Variants in POLR2F observed in about 807,000 individuals in gnomAD.
POLR2F encodes the protein RNA polymerase II, I and III subunit F.
A neutral mutation model predicts 22.7 loss-of-function variants in POLR2F; 12 were observed. The observed-to-expected ratio is 0.53, with a 90% CI of 0.34 to 0.86. The LOEUF (loss-of-function observed/expected upper bound fraction) is 0.86. Ranked by LOEUF, POLR2F falls within the 40% of genes least tolerant of loss-of-function variation. POLR2F has a pLI of 0.02. For synonymous variants in POLR2F, 57 were observed against 66.0 expected (o/e 0.86, Z 0.66); for missense variants, 126 against 171.5 (o/e 0.73, Z 1.48).
rs920799657 is a variant in POLR2F, at chr22:37,968,878, C to T, written c.*1163C>T. ...GATCTGCATTGGTGGGAGGGGTGTC[C>T]GCTGCCCTGGAGAAGGGTTAATTCA... On this transcript the variant is annotated 3_prime_UTR_variant, in exon 5 of 5. Coordinates refer to ENST00000442738, the MANE Select transcript of POLR2F (RefSeq NM_021974.5). The T allele has an allele frequency of 1.1e-4, 111 of 985,358 alleles. No homozygotes were observed. Among genetic ancestry groups the T allele is most frequent in the Middle Eastern group, 5.2e-4 (1 of 1,914 alleles). The allele number at this position is 985,358 out of a possible 1,614,324, so 61.0% of individuals were successfully genotyped here.
At chr22:37,963,651 A>G (rs375486487) in intron 3 of POLR2F, among the ~76,000 whole-genome samples, 13 of 152,338 alleles carry the variant, frequency 8.5e-5, no homozygotes, top group Admixed American at 2.6e-4. Context: ...AGAGCATTCT[A>G]TGGGGCACAC....
At chr22:37,979,055 G>C (rs951979217) in intron 4 of POLR2F, among the ~76,000 whole-genome samples, 1 of 151,814 alleles carries the variant, frequency 6.6e-6, no homozygotes, top group African/African-American at 2.4e-5. Flanking sequence ...GGGATTACAG[G>C]CATGAGCCAT....
At position 38,035,235 on chromosome 22, in the gene POLR2F, C is replaced by A. The variant is rs2085103862; in HGVS notation, c.453-5833C>A. Among the ~76,000 whole-genome samples, 3 of 152,204 alleles carry A rather than the reference C, an allele frequency of 2.0e-5. No homozygotes were observed. The South Asian group carries it at 6.2e-4, about 31-fold the overall frequency. ...GGTGGGTTATTCTGTAAATGGTGCA[C>A]ATCTGGAGCCCATTAACTGTTAACA... On this transcript the variant is annotated intron_variant, in intron 5 of 5. Transcript: ENST00000407936.
At chr22:37,983,822 T>TC, upstream of POLR2F, 1 of 1,381,740 alleles carries the variant, frequency 7.2e-7, no homozygotes, top group Non-Finnish European at 9.4e-7. The surrounding 1 kb of genome is among the most constrained non-coding windows in gnomAD (Gnocchi z 9.5). Flanking sequence ...CTCGGCCGCC[T>TC]CCCCCGGGCC....
intron 1 of POLR2F, among the ~76,000 whole-genome samples, chr22:38,011,303 C>CCATATT (rs2084869996): frequency 6.6e-6 from 1 of 151,806 alleles, no homozygotes. Flanking sequence ...CAAGGTTTTG[C>CCATATT]CATATTGCCC....
intron 4 of POLR2F, among the ~76,000 whole-genome samples, chr22:37,976,220 C>G (rs1932215242): frequency 6.6e-6 from 1 of 152,164 alleles, no homozygotes; most frequent in African/African-American, 2.4e-5. Flanking sequence ...AAGACTCCAT[C>G]TCAAACAAAA....
chr22:38,036,296 C>A (rs1331759306), intron 5 of POLR2F, among the ~76,000 whole-genome samples: 1 of 151,874 alleles, frequency 6.6e-6, no homozygotes, highest in Admixed American at 6.6e-5. Flanking sequence ...CTTTTCTAGG[C>A]CATTTGCTGA....
At chr22:37,963,330 C>A (rs948003350) in intron 3 of POLR2F, among the ~76,000 whole-genome samples, 2 of 152,126 alleles carry the variant, frequency 1.3e-5, no homozygotes, top group Admixed American at 6.6e-5. Context: ...GCTCTATCAC[C>A]CGGGCTGGAG....
intron 1 of POLR2F, among the ~76,000 whole-genome samples, chr22:38,004,495 T>C (rs2084803311): frequency 6.6e-6 from 1 of 152,200 alleles, no homozygotes; most frequent in Non-Finnish European, 1.5e-5. Context: ...ATCTACTCGC[T>C]GAGTTCTCAT....
intron 1 of POLR2F, among the ~76,000 whole-genome samples, chr22:38,022,268 C>T (rs1349215192): frequency 6.6e-6 from 1 of 151,676 alleles, no homozygotes; most frequent in African/African-American, 2.4e-5. Context: ...TTCTAAGAAT[C>T]TGGCTGGGCA....
chr22:37,955,286 C>G (rs1931337612), intron 1 of POLR2F, among the ~76,000 whole-genome samples: 1 of 149,726 alleles, frequency 6.7e-6, no homozygotes, highest in Non-Finnish European at 1.5e-5. Context: ...CACCTCTAAT[C>G]CCAGCACTTT....
downstream of POLR2F, chr22:37,971,010 TGGAG>T (rs766483875): frequency 6.3e-6 from 2 of 318,832 alleles, no homozygotes; most frequent in Non-Finnish European, 1.2e-5. Flanking sequence ...AGGTCCTAGA[TGGAG>T]GGATTTTGGC....
intron 3 of POLR2F, among the ~76,000 whole-genome samples, chr22:37,963,999 G>A (rs1304592012): frequency 2.0e-5 from 3 of 152,076 alleles, no homozygotes; most frequent in Non-Finnish European, 4.4e-5. Context: ...CTACTCGGGA[G>A]GCTGAGGCAA....
intron 4 of POLR2F, among the ~76,000 whole-genome samples, chr22:37,981,101 C>T (rs1482151771): frequency 6.6e-6 from 1 of 152,238 alleles, no homozygotes; most frequent in Non-Finnish European, 1.5e-5. Flanking sequence ...ACCTGGGCTC[C>T]AGTGTGTCTG....
chr22:37,976,355 C>G (rs1932220066), intron 4 of POLR2F, among the ~76,000 whole-genome samples: 1 of 152,238 alleles, frequency 6.6e-6, no homozygotes, highest in Non-Finnish European at 1.5e-5. Flanking sequence ...TCCACCATGC[C>G]TAGCTTTGTT....
At chr22:38,003,232 A>G (rs2084790520) in intron 1 of POLR2F, among the ~76,000 whole-genome samples, 1 of 151,580 alleles carries the variant, frequency 6.6e-6, no homozygotes, top group Admixed American at 6.6e-5. Flanking sequence ...AAGGACAGTC[A>G]GGAACCATGA....
intron 2 of POLR2F, among the ~76,000 whole-genome samples, chr22:37,958,800 T>G (rs920134279): frequency 6.6e-6 from 1 of 152,204 alleles, no homozygotes; most frequent in African/African-American, 2.4e-5. Context: ...GACCATTAAT[T>G]GAGAGCAGAA....
At chr22:38,023,735 C>T (rs558931599) in intron 1 of POLR2F, among the ~76,000 whole-genome samples, 13 of 151,986 alleles carry the variant, frequency 8.6e-5, no homozygotes, top group African/African-American at 2.9e-4. Context: ...TGCAGTGGCA[C>T]GATCTTGGCT....
intron 1 of POLR2F, among the ~76,000 whole-genome samples, chr22:37,995,430 C>T (rs1418150423): frequency 6.6e-6 from 1 of 152,156 alleles, no homozygotes; most frequent in Non-Finnish European, 1.5e-5. Flanking sequence ...GGGGGATCAC[C>T]TAAAGCTCAT....
Sources: gnomAD v4.1 joint callset for allele counts (sites outside exome capture counted in the v4.1 genomes callset) on GRCh38, gnomAD v4.1.1 for gene constraint, Gnocchi (gnomAD v3.1) non-coding constraint, MANE v1.5 for transcripts, NCBI Gene and HGNC (gene_info 2026-07-23, HGNC 2026-07-21) for gene names.